The following UBE4A variants were observed in gnomAD, a reference collection of about 807,000 sequenced individuals.
UBE4A encodes ubiquitin conjugation factor E4 A.
UBE4A carries 48 observed loss-of-function variants against 117.9 expected under a neutral mutation model. That is an observed-to-expected ratio of 0.41 (90% CI 0.32 to 0.52). The LOEUF (loss-of-function observed/expected upper bound fraction) is 0.52, where lower values mean the gene tolerates loss of function less well. Among genes scored for constraint, UBE4A ranks in the 20% least tolerant of loss-of-function variants. The pLI, the probability that UBE4A is intolerant of heterozygous loss-of-function variation, is 0.33. For synonymous variants in UBE4A, 407 were observed against 450.0 expected (o/e 0.90, Z 1.21); for missense variants, 1,067 against 1,296.3 (o/e 0.82, Z 2.72).
intron 2 of UBE4A, among the ~76,000 whole-genome samples, chr11:118,367,352 A>C (rs1446850408): frequency 6.6e-6 from 1 of 152,150 alleles, no homozygotes; most frequent in African/African-American, 2.4e-5. Flanking sequence ...ATGATTAAAA[A>C]ATTTATTCTC....
At chr11:118,378,852 T>G (rs868964512) in intron 10 of UBE4A, 2 of 152,446 alleles carry the variant, frequency 1.3e-5, no homozygotes, top group Non-Finnish European at 2.9e-5. Context: ...ATTATGTGTC[T>G]TCCTTTCAGT....
intron 6 of UBE4A, 146 bp from the exon 7 acceptor site, chr11:118,372,940 A>C: frequency 1.2e-6 from 1 of 826,614 alleles, no homozygotes; most frequent in Non-Finnish European, 1.8e-6. Context: ...ACCTGTGAAT[A>C]GCCACTACAC....
In UBE4A at chr11:118,373,605, G is replaced by C. The variant is rs756479938; in HGVS notation, c.1036G>C (p.Val346Leu). 1 of 1,614,178 alleles carries C rather than the reference G, an allele frequency of 6.2e-7. No individual in the cohort carries two copies. The highest frequency in any genetic ancestry group is 8.5e-7 in the Non-Finnish European group (1 of 1,180,026). The change falls in exon 8 of 20, where the codon GTA (valine) becomes CTA (leucine). Residue 346 changes from valine (V) to leucine (L), a missense_variant. This residue lies in a region of UBE4A where 1,001 missense variants were observed against 1,184.0 expected (regional missense o/e 0.85). Transcript: ENST00000252108. ...ISCLLKTPGV[V>L]ENHGYFLNPS... Reference sequence around the variant, plus strand: ...CTGCTTATTAAAGACTCCGGGTGTTGTAGAAAATCATGGCTACTTTTTGAA... The same window carrying C: ...CTGCTTATTAAAGACTCCGGGTGTTCTAGAAAATCATGGCTACTTTTTGAA...
chr11:118,365,103 A>G lies in UBE4A; in HGVS notation c.23A>G (p.Asn8Ser). Reference sequence around the variant, plus strand: ...GAAATGACAGACCAGGAGAATAACAACAACATCTCAAGTAACCCCTTTGCT... The same window carrying G: ...GAAATGACAGACCAGGAGAATAACAGCAACATCTCAAGTAACCCCTTTGCT... MTDQENN[N>S]NISSNPFAAL... Residue 8 changes from asparagine (N) to serine (S), a missense_variant, in exon 2 of 20, where the codon AAC becomes AGC. Transcript: ENST00000252108. 1.2e-6 allele frequency: 2 copies of G among 1,614,026 alleles called. No homozygotes were observed. Among genetic ancestry groups the G allele is most frequent in the South Asian group, 2.2e-5 (2 of 91,048 alleles).
In UBE4A at chr11:118,381,480, C is replaced by T. The variant is rs1477109331; in HGVS notation, c.1966C>T (p.His656Tyr). The T allele has an allele frequency of 1.9e-6, 3 of 1,614,016 alleles. No individual in the cohort carries two copies. The highest frequency in any genetic ancestry group is 1.1e-5 in the South Asian group (1 of 91,082). Residue 656 changes from histidine (H) to tyrosine (Y), a missense_variant, in exon 12 of 20, where the codon CAT becomes TAT. By Grantham distance (83) the His-to-Tyr change is moderately conservative. Around this residue, in one of 3 missense-constraint regions of UBE4A, gnomAD observed 1,001 missense variants for 1,184.0 expected, o/e 0.85. Coordinates refer to ENST00000252108, the MANE Select transcript of UBE4A (RefSeq NM_001204077.2). ...ILETSADSLE[H>Y]VLHFITIFTG... The stretch of plus-strand genomic sequence containing the variant: ...GGAGACATCAGCAGATTCCCTGGAG[C>T]ATGTCCTTCACTTTATCACCATTTT...
intron 8 of UBE4A, 158 bp downstream of exon 8, chr11:118,373,843 A>C: frequency 2.3e-4 from 132 of 573,486 alleles, no homozygotes; most frequent in Non-Finnish European, 2.6e-4. Context: ...ATGGTAGCTC[A>C]AGCCTGTAAT....
intron 1 of UBE4A, among the ~76,000 whole-genome samples, chr11:118,363,587 A>C (rs1239257671): frequency 6.7e-6 from 1 of 150,008 alleles, no homozygotes; most frequent in Non-Finnish European, 1.5e-5. Flanking sequence ...AATAAGGGTA[A>C]CTTTTTCGAC....
rs753300119 is a variant in UBE4A, at chr11:118,373,135, A to G, written c.771A>G (p.Ile257Met). 46 of 1,614,002 alleles carry G rather than the reference A, an allele frequency of 2.9e-5. No homozygotes were observed. Among genetic ancestry groups the G allele is most frequent in the Non-Finnish European group, 8.5e-6 (10 of 1,180,024 alleles). Residue 257 changes from isoleucine (I) to methionine (M), a missense_variant, in exon 7 of 20, where the codon ATA becomes ATG. Physicochemically the swap from Ile to Met is conservative, Grantham distance 10. Around this residue, in one of 3 missense-constraint regions of UBE4A, gnomAD observed 1,001 missense variants for 1,184.0 expected, o/e 0.85. Coordinates refer to ENST00000252108, the MANE Select transcript of UBE4A (RefSeq NM_001204077.2). The stretch of plus-strand genomic sequence containing the variant: ...TGGAAGAGGTCATTGAAGCCTTGAT[A>G]TTGGATGAGGAAGTTAGAACATTTC... ...EFLEEVIEALILDEEVRTFPE... is the reference protein window; with the variant it reads ...EFLEEVIEALMLDEEVRTFPE...
chr11:118,379,310 G>T, intron 10 of UBE4A, 136 bp from the exon 11 acceptor site: 1 of 961,360 alleles, frequency 1.0e-6, no homozygotes, highest in East Asian at 2.4e-5. Flanking sequence ...AAAAACTTTT[G>T]TGAGTGCCTT....
chr11:118,392,680 C>G, intron 18 of UBE4A, 58 bp from the exon 19 acceptor site: 1 of 1,535,664 alleles, frequency 6.5e-7, no homozygotes, highest in East Asian at 2.3e-5. Context: ...TGTCATTGAG[C>G]ACGCTGAATT....
At position 118,390,084 on chromosome 11, in the gene UBE4A, G is replaced by A. The variant is rs571169773; in HGVS notation, c.2768+179G>A. 6.9e-4 allele frequency among the ~76,000 whole-genome samples: 105 copies of A among 152,110 alleles called. 1 individual carries two copies. The highest frequency in any genetic ancestry group is 1.1e-3 in the Non-Finnish European group (78 of 67,988). On this transcript the variant is annotated intron_variant, in intron 17 of 19. Transcript: ENST00000252108. ...GGAGATTTTATCTGGGCAAGGTGTC[G>A]TGTGCCTGTGGTCCAAGCTACTTGG...
chr11:118,394,907 C>T (rs1555129294), intron 19 of UBE4A, among the ~76,000 whole-genome samples: 1 of 151,956 alleles, frequency 6.6e-6, no homozygotes, highest in African/African-American at 2.4e-5. Context: ...TTCAAGGCTG[C>T]ACTGAGTTAT....
chr11:118,373,561 G>A lies in UBE4A; in HGVS notation c.992G>A (p.Gly331Glu). 6.2e-7 allele frequency: 1 copy of A among 1,614,182 alleles called. No homozygotes were observed. The highest frequency in any genetic ancestry group is 1.1e-5 in the South Asian group (1 of 91,082). ...NGQMYQKTLL[G>E]VILSISCLLK... is the part of the protein sequence containing the mutation. ...CAAATGTACCAGAAGACCTTGCTGG[G>A]AGTAATTCTGAGTATCTCCTGCTTA... Residue 331 changes from glycine (G) to glutamate (E), a missense_variant, in exon 8 of 20, where the codon GGA (glycine) becomes GAA (glutamate). Gly to Glu is a moderately conservative substitution (Grantham distance 98). Around this residue, in one of 3 missense-constraint regions of UBE4A, gnomAD observed 1,001 missense variants for 1,184.0 expected, o/e 0.85. Transcript: ENST00000252108.
intron 19 of UBE4A, among the ~76,000 whole-genome samples, chr11:118,393,819 C>T (rs1948842749): frequency 1.3e-5 from 2 of 152,128 alleles, no homozygotes; most frequent in Non-Finnish European, 2.9e-5. Context: ...TGGTCTTAAA[C>T]TCCTGATTTC....
intron 16 of UBE4A, among the ~76,000 whole-genome samples, chr11:118,387,111 C>A (rs1948766759): frequency 6.6e-6 from 1 of 152,142 alleles, no homozygotes; most frequent in African/African-American, 2.4e-5. Context: ...AATGTGAAAT[C>A]TGTCCATTTT....
chr11:118,379,581 T>C lies in UBE4A; in HGVS notation c.1707T>C (p.Leu569=), dbSNP rs1948682838. ...EQFERLMTIY[L]STKTAMTEPQ... ...TTGAACGACTGATGACCATCTATCT[T>C]TCTACCAAGACTGCCATGACAGAGC... is the stretch of plus-strand genomic sequence containing the variant. Residue 569 remains leucine (L), a synonymous_variant, in exon 11 of 20, where the codon CTT becomes CTC. Transcript: ENST00000252108. 7 of 1,614,108 alleles carry C rather than the reference T, an allele frequency of 4.3e-6. No individual in the cohort carries two copies. The highest frequency in any genetic ancestry group is 5.1e-6 in the Non-Finnish European group (6 of 1,180,044).
Position 118,375,165 on chromosome 11 carries a change from C to T in UBE4A, c.1386C>T (p.Pro462=), listed in dbSNP as rs1412915347. The T allele has an allele frequency of 5.6e-6, 9 of 1,613,862 alleles. No homozygotes were observed. In the African/African-American group the frequency reaches 1.2e-4, roughly 22 times the overall value. ...PRSSRLLTFN[P]TYCALKELND... ...CCTCTCGGCTCCTCACCTTTAATCC[C>T]ACATACTGTGCCCTCAAGGAGTTGA... Residue 462 remains proline, a synonymous_variant, in exon 9 of 20, where the codon CCC becomes CCT. Transcript: ENST00000252108.
rs1171585082 is a variant in UBE4A at position 118,386,316 on chromosome 11, C to CCCTTTATTTA, written c.2413-122_2413-121insCCTTTATTTA. The CCCTTTATTTA allele has an allele frequency of 5.3e-5, 59 of 1,116,516 alleles. No homozygotes were observed. In the Admixed American group the frequency reaches 7.5e-4, roughly 14 times the overall value. The allele number at this position is 1,116,516 out of a possible 1,614,324, so 69.2% of individuals were successfully genotyped here. On this transcript the variant is annotated intron_variant, in intron 15 of 19. Transcript: ENST00000252108. The stretch of plus-strand genomic sequence containing the variant: ...TATGCTGAGAAATAAAGGCTCATGT[C>CCCTTTATTTA]TTTTACATGGTCCCTCGTTTTCCCA...
chr11:118,396,504 C>A lies in UBE4A; in HGVS notation c.*64C>A. The stretch of plus-strand genomic sequence containing the variant: ...GCAGATAAACAATTGTTTGTGGTTT[C>A]TCTCTTTCTGGTTCTGTTCCTTTTC... On this transcript the variant is annotated 3_prime_UTR_variant, in exon 20 of 20. Transcript: ENST00000252108. 1 of 1,510,142 alleles carries A rather than the reference C, an allele frequency of 6.6e-7. No homozygotes were observed. 93.5% of individuals were successfully genotyped at this position (1,510,142 alleles called of 1,614,324 possible). A position where few individuals can be genotyped will look rare whatever the true frequency, so the allele number is the denominator to read the frequency against.
Sources: gnomAD v4.1 joint callset for allele counts (sites outside exome capture counted in the v4.1 genomes callset) on GRCh38, gnomAD v4.1.1 for gene constraint, gnomAD v4.1.1 regional missense constraint, MANE v1.5 for transcripts, NCBI Gene and HGNC (gene_info 2026-07-23, HGNC 2026-07-21) for gene names.